Variants in B3GALT5 observed in about 807,000 individuals in gnomAD.
The protein encoded by B3GALT5 is UDP-Gal:betaGlcNAc beta 1,3-galactosyltransferase, polypeptide 5.
For synonymous variants in B3GALT5, 156 were observed against 158.6 expected, an observed-to-expected ratio of 0.98 and a Z score of 0.12; for missense variants, 328 against 396.6, an observed-to-expected ratio of 0.83 and a Z score of 1.47.
intron 1 of B3GALT5, among the ~76,000 whole-genome samples, chr21:39,629,979 T>C (rs1442330325): frequency 1.3e-5 from 2 of 152,226 alleles, no homozygotes; most frequent in African/African-American, 4.8e-5. Context: ...TTAGCATAAG[T>C]TTGAATTTTT....
At chr21:39,625,353 G>A (rs978310821) in intron 1 of B3GALT5, among the ~76,000 whole-genome samples, 4 of 152,256 alleles carry the variant, frequency 2.6e-5, no homozygotes, top group Non-Finnish European at 4.4e-5. Context: ...TAACCACCTC[G>A]GTTGACCCGG....
chr21:39,637,553 T>C (rs2079237308), intron 1 of B3GALT5, among the ~76,000 whole-genome samples: 1 of 152,256 alleles, frequency 6.6e-6, no homozygotes, highest in South Asian at 2.1e-4. Flanking sequence ...TCAGTCCTGC[T>C]GTGTTCTGTG....
chr21:39,641,150 G>C (rs1321899795), intron 1 of B3GALT5, among the ~76,000 whole-genome samples: 1 of 152,178 alleles, frequency 6.6e-6, no homozygotes, highest in African/African-American at 2.4e-5. Flanking sequence ...AAAGTAGTTT[G>C]CCATTTGTAA....
rs1041019648 is a variant in B3GALT5 at position 39,661,951 on chromosome 21, A to G, written c.*459A>G. On this transcript the variant is annotated 3_prime_UTR_variant, in exon 4 of 4. Transcript: ENST00000684187. The surrounding 1 kb of genome is among the most constrained non-coding windows in gnomAD (Gnocchi z 4.7). ...CCTCCCTTAGGAGGGGACACTGATG[A>G]TGAGGTCTCGGAGCCGGCATCCTTC... 1 of 167,974 alleles carries G rather than the reference A, an allele frequency of 6.0e-6. No homozygotes were observed. The highest frequency in any genetic ancestry group is 1.5e-5 in the Non-Finnish European group (1 of 68,856). 10.4% of individuals were successfully genotyped at this position (167,974 alleles called of 1,614,324 possible).
intron 1 of B3GALT5, among the ~76,000 whole-genome samples, chr21:39,638,772 C>T (rs1254779303): frequency 2.0e-5 from 3 of 152,172 alleles, no homozygotes; most frequent in African/African-American, 7.2e-5. Context: ...GTCAGAGCCC[C>T]ACAGCCTGCC....
chr21:39,643,223 T>C (rs144208530), intron 1 of B3GALT5, among the ~76,000 whole-genome samples: 1 of 151,726 alleles, frequency 6.6e-6, no homozygotes, highest in African/African-American at 2.4e-5. Context: ...CATCGCAGGA[T>C]TGAAAAGCCC....
In B3GALT5 at chr21:39,644,281, GTA is replaced by G. The variant is rs140222213; in HGVS notation, c.-391-2109_-391-2108del. 2.9e-3 allele frequency among the ~76,000 whole-genome samples: 439 copies of G among 152,292 alleles called. 6 individuals carry two copies. The East Asian group carries it at 0.035, about 12-fold the overall frequency. ...CGTCCCCAACACCTGTGAAGATAAG[GTA>G]TTTGTTTACATTACCATGTTGAACT... is the stretch of plus-strand genomic sequence containing the variant. On this transcript the variant is annotated intron_variant, in intron 1 of 3. Transcript: ENST00000684187.
Position 39,661,351 on chromosome 21 carries a change from G to C in B3GALT5, c.792G>C (p.Pro264=), listed in dbSNP as rs1384337959. 1 of 1,611,248 alleles carries C rather than the reference G, an allele frequency of 6.2e-7. No homozygotes were observed. Among genetic ancestry groups the C allele is most frequent in the East Asian group, 2.2e-5 (1 of 44,878 alleles). Residue 264 remains proline (P), a synonymous_variant, in exon 4 of 4, where the codon CCG becomes CCC. Coordinates refer to ENST00000684187, the MANE Select transcript of B3GALT5 (RefSeq NM_001356336.2). The surrounding 1 kb of genome is among the most constrained non-coding windows in gnomAD (Gnocchi z 4.7). The stretch of plus-strand genomic sequence containing the variant: ...GATTGGAGGAGCTCCACTCCCAGCC[G>C]ACCTTTTTTCCAGGGGGCTTACGCT... ...NIRLEELHSQ[P]TFFPGGLRFS...
intron 1 of B3GALT5, among the ~76,000 whole-genome samples, chr21:39,642,867 T>C (rs2146201851): frequency 7.2e-6 from 1 of 138,998 alleles, no homozygotes; most frequent in Non-Finnish European, 1.5e-5. Context: ...GAGACTCCCA[T>C]TGCCACAAAA....
chr21:39,618,218 G>T (rs73360121), intron 1 of B3GALT5, among the ~76,000 whole-genome samples: 1 of 152,202 alleles, frequency 6.6e-6, no homozygotes, highest in African/African-American at 2.4e-5. Flanking sequence ...GTTAATGGAC[G>T]TTTAGATGAT....
intron 1 of B3GALT5, 130 bp downstream of exon 1, chr21:39,613,197 C>G (rs1569203624): frequency 1.3e-5 from 2 of 152,052 alleles, no homozygotes; most frequent in East Asian, 3.9e-4. Flanking sequence ...TGCAGGCGTG[C>G]TCTTCTGTTT....
intron 1 of B3GALT5, among the ~76,000 whole-genome samples, chr21:39,634,894 C>T (rs550050583): frequency 5.9e-5 from 9 of 152,230 alleles, no homozygotes; most frequent in South Asian, 2.1e-4. Flanking sequence ...AGAGACAACG[C>T]GTAATGGCAG....
Position 39,640,059 on chromosome 21 carries a change from G to A in B3GALT5, c.-391-6333G>A, listed in dbSNP as rs571347917. ...GATACCTGAAGCTCCTGTAGTTGCT[G>A]CCATGGTAGAGGGTGGGGGTGGGCT... On this transcript the variant is annotated intron_variant, in intron 1 of 3. Coordinates refer to ENST00000684187, the MANE Select transcript of B3GALT5 (RefSeq NM_001356336.2). Among the ~76,000 whole-genome samples, 471 of 151,176 alleles carry A rather than the reference G, an allele frequency of 3.1e-3. 2 individuals carry two copies. The highest frequency in any genetic ancestry group is 6.8e-3 in the Middle Eastern group (2 of 294).
At chr21:39,634,971 C>G (rs1033699694) in intron 1 of B3GALT5, among the ~76,000 whole-genome samples, 2 of 152,166 alleles carry the variant, frequency 1.3e-5, no homozygotes, top group Admixed American at 1.3e-4. Flanking sequence ...TTTGTCATCT[C>G]AAGGCAGAAA....
chr21:39,613,469 G>C (rs2123676677), intron 1 of B3GALT5, among the ~76,000 whole-genome samples: 1 of 152,296 alleles, frequency 6.6e-6, no homozygotes, highest in Admixed American at 6.5e-5. Flanking sequence ...GCGGCAGGCA[G>C]CTTCTGCATC....
At chr21:39,622,748 A>T (rs2837099) in intron 1 of B3GALT5, among the ~76,000 whole-genome samples, 18,756 of 151,850 alleles carry the variant, frequency 0.12, 1,579 homozygotes, top group East Asian at 0.32. Flanking sequence ...CTTTTATCTC[A>T]TTATGTGTTT....
intron 1 of B3GALT5, among the ~76,000 whole-genome samples, chr21:39,620,400 G>A (rs576107056): frequency 1.4e-4 from 22 of 152,254 alleles, no homozygotes; most frequent in East Asian, 1.2e-3. Context: ...ATAATACCAC[G>A]GAAATTTGAT....
At chr21:39,638,920 G>A (rs778386419) in intron 1 of B3GALT5, among the ~76,000 whole-genome samples, 2 of 152,220 alleles carry the variant, frequency 1.3e-5, no homozygotes, top group Non-Finnish European at 2.9e-5. Context: ...GTGACTAGGA[G>A]AGGGATTGTG....
chr21:39,615,058 G>A (rs957284090), intron 1 of B3GALT5, among the ~76,000 whole-genome samples: 3 of 151,832 alleles, frequency 2.0e-5, no homozygotes, highest in Non-Finnish European at 4.4e-5. Flanking sequence ...CATAAACCCA[G>A]GTTTGCAGCC....
Sources: gnomAD v4.1 joint callset for allele counts (sites outside exome capture counted in the v4.1 genomes callset) on GRCh38, gnomAD v4.1.1 for gene constraint, Gnocchi (gnomAD v3.1) non-coding constraint, MANE v1.5 for transcripts, NCBI Gene and HGNC (gene_info 2026-07-23, HGNC 2026-07-21) for gene names.